The following PNPT1 variants were observed in gnomAD, a reference collection of about 807,000 sequenced individuals.
The protein encoded by PNPT1 is polyribonucleotide nucleotidyltransferase 1, also known as polyribonucleotide nucleotidyltransferase 1, mitochondrial.
A neutral mutation model predicts 119.5 loss-of-function variants in PNPT1; 53 were observed. That is an observed-to-expected ratio of 0.44 (90% CI 0.36 to 0.56). The LOEUF (loss-of-function observed/expected upper bound fraction) is 0.56, where lower values mean the gene tolerates loss of function less well. Ranked by LOEUF, PNPT1 falls within the 20% of genes least tolerant of loss-of-function variation. The pLI is 0.00. For synonymous variants in PNPT1, 357 were observed against 322.1 expected, an observed-to-expected ratio of 1.11 and a Z score of -1.16; for missense variants, 948 against 938.5, an observed-to-expected ratio of 1.01 and a Z score of -0.13.
At chr2:55,653,056 C>A (rs1396592816) in intron 18 of PNPT1, among the ~76,000 whole-genome samples, 1 of 152,200 alleles carries the variant, frequency 6.6e-6, no homozygotes, top group Non-Finnish European at 1.5e-5. Flanking sequence ...CTATGTTGGC[C>A]AGGCAGGCCT....
In PNPT1 at chr2:55,647,466, A is replaced by G. The variant is rs1696038319; in HGVS notation, c.1496-13T>C. On this transcript the variant is annotated splice_polypyrimidine_tract_variant and intron_variant, in intron 18 of 27. Coordinates refer to ENST00000447944, the MANE Select transcript of PNPT1 (RefSeq NM_033109.5). ...GAAATTGGAACCCCTATAATTGGGA[A>G]AAAGAACAACTGTGGGTAATGTGTA... 1 of 1,589,120 alleles carries G rather than the reference A, an allele frequency of 6.3e-7. No individual in the cohort carries two copies. Among genetic ancestry groups the G allele is most frequent in the Non-Finnish European group, 8.6e-7 (1 of 1,164,560 alleles).
intron 11 of PNPT1, among the ~76,000 whole-genome samples, chr2:55,668,934 T>C (rs544132115): frequency 6.6e-6 from 1 of 152,352 alleles, no homozygotes; most frequent in Admixed American, 6.5e-5. Flanking sequence ...ACCCTCACTC[T>C]TTTGCCTTTA....
intron 8 of PNPT1, among the ~76,000 whole-genome samples, chr2:55,678,610 G>C (rs77402421): frequency 6.6e-6 from 1 of 152,100 alleles, no homozygotes; most frequent in Non-Finnish European, 1.5e-5. Flanking sequence ...ATGAAGACGA[G>C]GCCACATCTT....
chr2:55,655,880 TAAAG>T (rs1206083138), intron 17 of PNPT1, among the ~76,000 whole-genome samples: 1 of 152,124 alleles, frequency 6.6e-6, no homozygotes, highest in African/African-American at 2.4e-5. Flanking sequence ...TTTGTAAAAA[TAAAG>T]AAACAAGCCA....
At chr2:55,663,501 A>G (rs747477594) in intron 13 of PNPT1, among the ~76,000 whole-genome samples, 21 of 152,222 alleles carry the variant, frequency 1.4e-4, no homozygotes, top group Non-Finnish European at 2.6e-4. Flanking sequence ...AAAGACATCA[A>G]TGTACAGATT....
intron 18 of PNPT1, among the ~76,000 whole-genome samples, chr2:55,650,758 C>G (rs1432935884): frequency 6.7e-6 from 1 of 150,298 alleles, no homozygotes. Flanking sequence ...CGGCAACCGC[C>G]CAGTCTGAGA....
chr2:55,676,255 T>A (rs186539085), intron 8 of PNPT1, among the ~76,000 whole-genome samples: 11 of 92,582 alleles, frequency 1.2e-4, no homozygotes, highest in Non-Finnish European at 1.9e-4. Context: ...TAAGACTCCA[T>A]CTCAACCAAA....
Position 55,656,127 on chromosome 2 carries a change from A to G in PNPT1, c.1441+4T>C. On this transcript the variant is annotated splice_donor_region_variant and intron_variant, in intron 17 of 27. Transcript: ENST00000447944. ...ACTATGAAAGAAGTATTTCAATACC[A>G]TACCATTTGACTCTAGGACTTCAGA... 1 of 1,611,460 alleles carries G rather than the reference A, an allele frequency of 6.2e-7. No individual in the cohort carries two copies. The highest frequency in any genetic ancestry group is 8.5e-7 in the Non-Finnish European group (1 of 1,179,084).
At chr2:55,642,041 C>T (rs1463558642) in intron 25 of PNPT1, among the ~76,000 whole-genome samples, 1 of 151,962 alleles carries the variant, frequency 6.6e-6, no homozygotes, top group East Asian at 1.9e-4. Flanking sequence ...GGGGTTTCAC[C>T]ATGTTGGTCA....
At position 55,636,355 on chromosome 2, in the gene PNPT1, A is replaced by G. The variant is rs1425696642; in HGVS notation, c.2234T>C (p.Met745Thr). 6.2e-7 allele frequency: 1 copy of G among 1,614,164 alleles called. No homozygotes were observed. The highest frequency in any genetic ancestry group is 8.5e-7 in the Non-Finnish European group (1 of 1,180,016). The change falls in exon 28 of 28, where the codon ATG becomes ACG. Residue 745 changes from methionine to threonine, a missense_variant. Met to Thr is a moderately conservative substitution (Grantham distance 81, BLOSUM62 -1). Coordinates refer to ENST00000447944, the MANE Select transcript of PNPT1 (RefSeq NM_033109.5). ...CTGAAGCACTTTTCGAGAAAGCCTC[A>G]TTCTTCCATCGGCTGGGTCACGTCC... ...YFGRDPADGR[M>T]RLSRKVLQSP...
intron 17 of PNPT1, 55 bp downstream of exon 17, chr2:55,656,070 TTAATAA>T: frequency 6.5e-7 from 1 of 1,547,312 alleles, no homozygotes; most frequent in Non-Finnish European, 8.7e-7. Flanking sequence ...ATTTGAAAAC[TTAATAA>T]TAGAATAGGG....
intron 8 of PNPT1, among the ~76,000 whole-genome samples, chr2:55,675,014 A>G (rs1289838243): frequency 6.6e-6 from 1 of 152,194 alleles, no homozygotes; most frequent in African/African-American, 2.4e-5. Context: ...TTGTCCCAGT[A>G]CTTTGGGAGG....
intron 14 of PNPT1, 119 bp downstream of exon 14, chr2:55,661,837 A>T (rs1696585401): frequency 1.0e-6 from 1 of 952,466 alleles, no homozygotes; most frequent in Non-Finnish European, 1.5e-6. Flanking sequence ...TAAACAGAAA[A>T]ATGAAGTACA....
At chr2:55,664,579 A>G (rs1314376392) in intron 13 of PNPT1, among the ~76,000 whole-genome samples, 5 of 152,212 alleles carry the variant, frequency 3.3e-5, no homozygotes, top group Non-Finnish European at 7.3e-5. Flanking sequence ...TCTAAAAACA[A>G]TTCAATTCAT....
chr2:55,639,845 C>A (rs1311783753), intron 26 of PNPT1, among the ~76,000 whole-genome samples: 1 of 152,098 alleles, frequency 6.6e-6, no homozygotes, highest in Non-Finnish European at 1.5e-5. Flanking sequence ...TTCTAGTAAA[C>A]CCTCCTGCCC....
At chr2:55,670,475 C>T (rs139882075) in intron 11 of PNPT1, among the ~76,000 whole-genome samples, 44 of 152,272 alleles carry the variant, frequency 2.9e-4, no homozygotes, top group African/African-American at 1.0e-3. Flanking sequence ...CGTGAGCCAC[C>T]GCGCCTGGCC....
intron 4 of PNPT1, among the ~76,000 whole-genome samples, chr2:55,684,400 G>C (rs556877220): frequency 6.6e-6 from 1 of 152,226 alleles, no homozygotes; most frequent in East Asian, 1.9e-4. Context: ...GGAGGTAGAG[G>C]TTGCAGTGAG....
chr2:55,683,888 T>C lies in PNPT1; in HGVS notation c.404-54A>G, dbSNP rs370217936. 2.1e-4 allele frequency: 324 copies of C among 1,551,476 alleles called. No individual in the cohort carries two copies. The Middle Eastern group carries it at 4.6e-3, about 22-fold the overall frequency. ...CCGTACTGACAGAGTTGCTTTACAG[T>C]TCAAAACGTTTGAACTAATATAGAT... On this transcript the variant is annotated intron_variant, in intron 4 of 27. Transcript: ENST00000447944.
At chr2:55,687,450 T>A (rs1285719510) in intron 2 of PNPT1, among the ~76,000 whole-genome samples, 195 bp downstream of exon 2, 2 of 146,058 alleles carry the variant, frequency 1.4e-5, no homozygotes, top group East Asian at 2.0e-4. Context: ...AAAAAAAAAA[T>A]AGGTCACTTA....
Sources: gnomAD v4.1 joint callset for allele counts (sites outside exome capture counted in the v4.1 genomes callset) on GRCh38, gnomAD v4.1.1 for gene constraint, MANE v1.5 for transcripts, NCBI Gene and HGNC (gene_info 2026-07-23, HGNC 2026-07-21) for gene names.